The following HRH2 variants were observed in gnomAD, a reference collection of about 807,000 sequenced individuals.
HRH2 encodes histamine receptor H2, also known as histamine H2 receptor.
A neutral mutation model predicts 20.1 loss-of-function variants in HRH2; 4 were observed. The ratio of observed to expected loss-of-function variants is 0.20; its 90% CI spans 0.10 to 0.45. HRH2 has a LOEUF of 0.45. Among genes scored for constraint, HRH2 ranks in the 20% least tolerant of loss-of-function variants. The pLI is 0.99. For missense variants in HRH2, 250 were observed against 461.6 expected (o/e 0.54, Z 4.20); for synonymous variants, 197 against 200.7 (o/e 0.98, Z 0.16).
rs1014725428 is a variant in HRH2 at position 175,686,733 on chromosome 5, G to A, written c.1076+2424G>A. 6.6e-6 allele frequency among the ~76,000 whole-genome samples: 1 copy of A among 152,134 alleles called. No individual in the cohort carries two copies. The highest frequency in any genetic ancestry group is 2.4e-5 in the African/African-American group (1 of 41,412). ...GCAGGGCTGGACCCTTGAGACTCAG[G>A]GCCTCACTTCATCCTCCACACAACC... On this transcript the variant is annotated intron_variant, in intron 2 of 2. Coordinates refer to ENST00000636584, the MANE Select transcript of HRH2 (RefSeq NM_001367711.1). This position sits in a 1 kb window ranked among gnomAD's most constrained non-coding sequence, Gnocchi z 4.7.
rs138540443 is a variant in HRH2 at position 175,684,203 on chromosome 5, C to T, written c.970C>T (p.Leu324=). 3 of 1,614,172 alleles carry T rather than the reference C, an allele frequency of 1.9e-6. No homozygotes were observed. In the African/African-American group the frequency reaches 4.0e-5, roughly 22 times the overall value. Residue 324 remains leucine, a synonymous_variant, in exon 2 of 3, where the codon CTG becomes TTG. Coordinates refer to ENST00000636584, the MANE Select transcript of HRH2 (RefSeq NM_001367711.1). ...TTCTCTGAGGTCCAACGCCTCTCAG[C>T]TGTCCAGGACCCAAAGCCGAGAACC... The part of the protein sequence containing the change: ...KTSLRSNASQ[L]SRTQSREPRQ...
At chr5:175,707,450 C>A (rs997270447) in intron 2 of HRH2, among the ~76,000 whole-genome samples, 1 of 152,116 alleles carries the variant, frequency 6.6e-6, no homozygotes, top group African/African-American at 2.4e-5. Context: ...AACACAAAAA[C>A]AAAACAAAAA....
At chr5:175,690,163 C>T (rs768014173) in intron 2 of HRH2, among the ~76,000 whole-genome samples, 12 of 152,192 alleles carry the variant, frequency 7.9e-5, no homozygotes, top group Non-Finnish European at 1.5e-4. Flanking sequence ...CTTTGCATTA[C>T]ACCCAGGGCA....
chr5:175,680,378 C>T (rs1755920522), intron 1 of HRH2, among the ~76,000 whole-genome samples: 4 of 152,174 alleles, frequency 2.6e-5, no homozygotes, highest in Admixed American at 2.6e-4. Context: ...CATGCAGAGG[C>T]ATGAGAAACC....
rs778509797 is a variant in HRH2, at chr5:175,702,718, A to ATTTTTT, written c.1077-5060_1077-5055dup. Among the ~76,000 whole-genome samples, 4 of 139,752 alleles carry ATTTTTT rather than the reference A, an allele frequency of 2.9e-5. 1 individual carries two copies. The highest frequency in any genetic ancestry group is 1.2e-4 in the African/African-American group (4 of 34,372). 91.7% of individuals were successfully genotyped at this position (139,752 alleles called of 152,430 possible). A position where few individuals can be genotyped will look rare whatever the true frequency, so the allele number is the denominator to read the frequency against. On this transcript the variant is annotated intron_variant, in intron 2 of 2. Coordinates refer to ENST00000636584, the MANE Select transcript of HRH2 (RefSeq NM_001367711.1). Reference sequence around the variant, plus strand: ...AGGCACCCGCCACCACGCCTGGCTAATTTTTTCTTTTTTTTTTTTTTTTGT... The same window carrying ATTTTTT: ...AGGCACCCGCCACCACGCCTGGCTAATTTTTTTTTTTTCTTTTTTTTTTTTTTTTGT...
chr5:175,698,059 C>T (rs1561740052), intron 2 of HRH2, among the ~76,000 whole-genome samples: 1 of 152,264 alleles, frequency 6.6e-6, no homozygotes. Context: ...CACTGGAGCG[C>T]ACACACGCTC....
chr5:175,671,728 C>G (rs1343458471), intron 1 of HRH2, among the ~76,000 whole-genome samples: 1 of 152,172 alleles, frequency 6.6e-6, no homozygotes, highest in Non-Finnish European at 1.5e-5. Flanking sequence ...GCCAGCTGGT[C>G]AAAGTCAGCT....
In HRH2 at chr5:175,687,571, C is replaced by T. The variant is rs1200483541; in HGVS notation, c.1076+3262C>T. ...GCCTCTATGAGTGCTCTTTGCAGCA[C>T]ACTCAGGGCAGCTCACCCCACAGTC... On this transcript the variant is annotated intron_variant, in intron 2 of 2. Transcript: ENST00000636584. This position sits in a 1 kb window ranked among gnomAD's most constrained non-coding sequence, Gnocchi z 5.2. 1.3e-5 allele frequency among the ~76,000 whole-genome samples: 2 copies of T among 152,130 alleles called. No homozygotes were observed. Among genetic ancestry groups the T allele is most frequent in the African/African-American group, 4.8e-5 (2 of 41,428 alleles).
intron 2 of HRH2, among the ~76,000 whole-genome samples, chr5:175,700,213 A>G (rs1561741233): frequency 6.6e-6 from 1 of 152,232 alleles, no homozygotes; most frequent in Non-Finnish European, 1.5e-5. Flanking sequence ...GTTCCTGCCC[A>G]CAAGGCTCTT....
intron 2 of HRH2, among the ~76,000 whole-genome samples, chr5:175,699,231 T>C (rs1561740732): frequency 6.6e-6 from 1 of 152,218 alleles, no homozygotes; most frequent in African/African-American, 2.4e-5. Flanking sequence ...CTGTGATTGG[T>C]CTCCAGGTGA....
At chr5:175,705,700 T>C (rs914677559) in intron 2 of HRH2, among the ~76,000 whole-genome samples, 4 of 151,892 alleles carry the variant, frequency 2.6e-5, no homozygotes, top group African/African-American at 9.7e-5. Context: ...TCTCACTTTG[T>C]CCCCCAGGCT....
intron 1 of HRH2, among the ~76,000 whole-genome samples, chr5:175,660,493 G>A (rs1449107645): frequency 2.0e-5 from 3 of 152,174 alleles, no homozygotes; most frequent in Admixed American, 2.0e-4. Flanking sequence ...CAAGAGCTTA[G>A]AAAAAAGACT....
At position 175,710,570 on chromosome 5, in the gene HRH2, A is replaced by G. The variant is rs1015855186; in HGVS notation, c.*2599A>G. On this transcript the variant is annotated 3_prime_UTR_variant, in exon 3 of 3. Coordinates refer to ENST00000636584, the MANE Select transcript of HRH2 (RefSeq NM_001367711.1). ...GAGCTCTGGCCCGAGGGGCCCACGCACCACCCGCCACTGCAGAAGACGCCT... is the reference window on the plus strand; with the variant it reads ...GAGCTCTGGCCCGAGGGGCCCACGCGCCACCCGCCACTGCAGAAGACGCCT... The G allele has an allele frequency of 1.3e-5, 2 of 152,158 alleles. No individual in the cohort carries two copies. The highest frequency in any genetic ancestry group is 2.9e-5 in the Non-Finnish European group (2 of 68,034). 9.4% of individuals were successfully genotyped at this position (152,158 alleles called of 1,614,324 possible).
In HRH2 at chr5:175,687,561, C is replaced by G. The variant is rs1581442758; in HGVS notation, c.1076+3252C>G. ...TTCCTGCCCAGCCTCTATGAGTGCT[C>G]TTTGCAGCACACTCAGGGCAGCTCA... On this transcript the variant is annotated intron_variant, in intron 2 of 2. Coordinates refer to ENST00000636584, the MANE Select transcript of HRH2 (RefSeq NM_001367711.1). The surrounding 1 kb of genome is among the most constrained non-coding windows in gnomAD (Gnocchi z 5.2). Among the ~76,000 whole-genome samples, 1 of 152,130 alleles carries G rather than the reference C, an allele frequency of 6.6e-6. No individual in the cohort carries two copies. The highest frequency in any genetic ancestry group is 1.5e-5 in the Non-Finnish European group (1 of 68,026).
At chr5:175,694,427 G>T (rs754280371) in intron 2 of HRH2, among the ~76,000 whole-genome samples, 1 of 152,092 alleles carries the variant, frequency 6.6e-6, no homozygotes, top group African/African-American at 2.4e-5. Context: ...TCTATCCATG[G>T]CACCTGCGTG....
intron 2 of HRH2, among the ~76,000 whole-genome samples, chr5:175,696,818 T>A (rs1196380802): frequency 6.7e-6 from 1 of 150,060 alleles, no homozygotes; most frequent in Non-Finnish European, 1.5e-5. Flanking sequence ...ACGGGGAGAA[T>A]CTCAGCACCG....
chr5:175,704,293 A>G (rs1248704529), intron 2 of HRH2, among the ~76,000 whole-genome samples: 1 of 152,182 alleles, frequency 6.6e-6, no homozygotes, highest in Non-Finnish European at 1.5e-5. Context: ...CTCATGACCA[A>G]GTTAGATTTA....
Position 175,682,742 on chromosome 5 carries a change from C to T in HRH2, c.-492C>T, listed in dbSNP as rs1249263406. 6.3e-6 allele frequency: 1 copy of T among 159,980 alleles called. No individual in the cohort carries two copies. The highest frequency in any genetic ancestry group is 5.9e-5 in the Admixed American group (1 of 16,928). 9.9% of individuals were successfully genotyped at this position (159,980 alleles called of 1,614,324 possible). Reference sequence around the variant, plus strand: ...CTCCACTGACTCCAGAGAGGGAGATCCCCAGTACTTGACTCCATCACGCAG... The same window carrying T: ...CTCCACTGACTCCAGAGAGGGAGATTCCCAGTACTTGACTCCATCACGCAG... On this transcript the variant is annotated 5_prime_UTR_variant, in exon 2 of 3. Coordinates refer to ENST00000636584, the MANE Select transcript of HRH2 (RefSeq NM_001367711.1).
At chr5:175,706,432 A>G (rs1756942429) in intron 2 of HRH2, among the ~76,000 whole-genome samples, 2 of 152,218 alleles carry the variant, frequency 1.3e-5, no homozygotes, top group Non-Finnish European at 2.9e-5. Flanking sequence ...TATTTCCAAA[A>G]TAGCATTATT....
Sources: allele counts gnomAD v4.1 joint callset (sites outside exome capture counted in the v4.1 genomes callset), GRCh38; gene constraint gnomAD v4.1.1; non-coding constraint Gnocchi (gnomAD v3.1); transcripts MANE v1.5; gene names NCBI Gene and HGNC (gene_info 2026-07-23, HGNC 2026-07-21).